LRP8: variants seen among roughly 807,000 people sequenced by gnomAD.
LRP8 encodes LDL receptor related protein 8.
LRP8 carries 46 observed loss-of-function variants against 111.6 expected under a neutral mutation model. The ratio of observed to expected loss-of-function variants is 0.41; its 90% CI spans 0.33 to 0.53. The LOEUF (loss-of-function observed/expected upper bound fraction) is 0.53, where lower values mean the gene tolerates loss of function less well. LRP8 is among the 20% of genes least tolerant of loss of function. LRP8 has a pLI of 0.20. For missense variants in LRP8, 959 were observed against 1,297.4 expected (o/e 0.74, Z 4.01); for synonymous variants, 464 against 511.2 (o/e 0.91, Z 1.24).
At position 53,271,221 on chromosome 1, in the gene LRP8, T is replaced by G. The variant is rs762693492; in HGVS notation, c.1126+6A>C. ...TTCTGCTTGGGGGTGTGGGAGAAGG[T>G]CTCACCGCCACAGGTCTTCTGGTCC... On this transcript the variant is annotated splice_donor_region_variant and intron_variant, in intron 7 of 18. Coordinates refer to ENST00000306052, the MANE Select transcript of LRP8 (RefSeq NM_004631.5). The G allele has an allele frequency of 6.2e-7, 1 of 1,613,708 alleles. No homozygotes were observed. Among genetic ancestry groups the G allele is most frequent in the South Asian group, 1.1e-5 (1 of 91,064 alleles).
At chr1:53,314,100 G>A (rs1426970642) in intron 2 of LRP8, among the ~76,000 whole-genome samples, 1 of 152,176 alleles carries the variant, frequency 6.6e-6, no homozygotes, top group East Asian at 1.9e-4. Flanking sequence ...TCCTGCCCAA[G>A]GCCCAGGCAA....
Position 53,250,957 on chromosome 1 carries a change from C to A in LRP8, c.2504-95G>T. The A allele has an allele frequency of 9.9e-7, 1 of 1,006,052 alleles. No homozygotes were observed. The highest frequency in any genetic ancestry group is 1.5e-6 in the Non-Finnish European group (1 of 652,852). The allele number at this position is 1,006,052 out of a possible 1,614,324, so 62.3% of individuals were successfully genotyped here. The stretch of plus-strand genomic sequence containing the variant: ...CTTGTCACCACTCCACTTTTACTAC[C>A]CTTTGCTCCTCAGGCTCTGTTTCTG... On this transcript the variant is annotated intron_variant, in intron 16 of 18. Transcript: ENST00000306052. The surrounding 1 kb of genome is among the most constrained non-coding windows in gnomAD (Gnocchi z 4.6).
chr1:53,317,194 T>A lies in LRP8; in HGVS notation c.244+9679A>T, dbSNP rs1572686660. Among the ~76,000 whole-genome samples the A allele has an allele frequency of 6.6e-6, 1 of 152,272 alleles. No homozygotes were observed. Among genetic ancestry groups the A allele is most frequent in the Non-Finnish European group, 1.5e-5 (1 of 68,012 alleles). ...GGGAGGGGAGGAGTGCTGGCTTGAA[T>A]GTCCCTGGATTCAGGCCACCAGGAA... On this transcript the variant is annotated intron_variant, in intron 2 of 18. Transcript: ENST00000306052. The surrounding 1 kb of genome is among the most constrained non-coding windows in gnomAD (Gnocchi z 4.9).
intron 2 of LRP8, among the ~76,000 whole-genome samples, chr1:53,314,714 T>A (rs1653574528): frequency 6.6e-6 from 1 of 152,128 alleles, no homozygotes; most frequent in Non-Finnish European, 1.5e-5. Flanking sequence ...CCCCCTGACC[T>A]CCACCCCACT....
chr1:53,258,392 G>T lies in LRP8; in HGVS notation c.2136C>A (p.Ser712Arg). The change falls in exon 14 of 19, where the codon AGC becomes AGA. Residue 712 changes from serine (S) to arginine (R), a missense_variant. Ser to Arg is a moderately radical substitution (Grantham distance 110). This residue lies in a region of LRP8 where 819 missense variants were observed against 1,097.6 expected (regional missense o/e 0.75). Coordinates refer to ENST00000306052, the MANE Select transcript of LRP8 (RefSeq NM_004631.5). ...AGGCACATGTGTACTTGGGAGAGTG[G>T]CTGGAGATCTGAGGAGCAGGAAGGC... ...YLCLPAPQIS[S>R]HSPKYTCACP... is the part of the protein sequence containing the mutation. 6.2e-7 allele frequency: 1 copy of T among 1,614,090 alleles called. No homozygotes were observed. Among genetic ancestry groups the T allele is most frequent in the Middle Eastern group, 1.7e-4 (1 of 6,054 alleles).
chr1:53,304,816 G>C (rs1651642112), intron 2 of LRP8, among the ~76,000 whole-genome samples: 1 of 152,210 alleles, frequency 6.6e-6, no homozygotes, highest in Non-Finnish European at 1.5e-5. Context: ...ACATGGCTGT[G>C]GGAGGCAAGA....
Position 53,301,440 on chromosome 1 carries a change from G to A in LRP8, c.245-11751C>T, listed in dbSNP as rs150058115. Among the ~76,000 whole-genome samples the A allele has an allele frequency of 1.2e-3, 186 of 152,306 alleles. 1 individual carries two copies. The highest frequency in any genetic ancestry group is 4.2e-3 in the African/African-American group (174 of 41,546). ...GCAAAGACCTTAAAAGGCATGAACTGGCCAGGCATGGTGGCGCACGCCTGT... is the reference window on the plus strand; with the variant it reads ...GCAAAGACCTTAAAAGGCATGAACTAGCCAGGCATGGTGGCGCACGCCTGT... On this transcript the variant is annotated intron_variant, in intron 2 of 18. Transcript: ENST00000306052.
intron 2 of LRP8, among the ~76,000 whole-genome samples, chr1:53,298,438 G>A (rs1402473395): frequency 1.3e-5 from 2 of 152,170 alleles, no homozygotes; most frequent in East Asian, 1.9e-4. Flanking sequence ...CAAGCATTAC[G>A]CAAGGGGTGC....
chr1:53,324,134 C>G (rs1035353349), intron 2 of LRP8, among the ~76,000 whole-genome samples: 1 of 152,166 alleles, frequency 6.6e-6, no homozygotes, highest in Non-Finnish European at 1.5e-5. Context: ...GGGTAAGGCA[C>G]GGAGACTGCT....
intron 6 of LRP8, 38 bp from the exon 7 acceptor site, chr1:53,271,384 CAGG>C (rs1221784328): frequency 2.5e-6 from 4 of 1,613,156 alleles, no homozygotes; most frequent in South Asian, 2.2e-5. Context: ...TCCAGGAGCC[CAGG>C]AGGAGTGGGG....
Position 53,289,688 on chromosome 1 carries a change from G to A in LRP8, c.246C>T (p.Pro82=). The A allele has an allele frequency of 6.2e-7, 1 of 1,613,862 alleles. No homozygotes were observed. The change falls in exon 3 of 19, where the codon CCC becomes CCT. Residue 82 remains proline (P), a splice_region_variant and synonymous_variant. Transcript: ENST00000306052. ...AGTCACTGTCTGCACAGGTCTTCTT[G>A]GCTGCAGGGCAAGGAAGAGAGCGTG... The part of the protein sequence containing the change: ...CLDHSDEDDC[P]KKTCADSDFT...
In LRP8 at chr1:53,262,776, G is replaced by A. The variant is rs115453345; in HGVS notation, c.1656-212C>T. On this transcript the variant is annotated intron_variant, in intron 10 of 18. Coordinates refer to ENST00000306052, the MANE Select transcript of LRP8 (RefSeq NM_004631.5). This position sits in a 1 kb window ranked among gnomAD's most constrained non-coding sequence, Gnocchi z 4.8. ...GAGAACTTGAGGAAAACTATTCTCC[G>A]AGATTGCACCCAGACTCAGCTGAAT... 0.014 allele frequency among the ~76,000 whole-genome samples: 2,088 copies of A among 152,250 alleles called. 18 individuals carry two copies. Among genetic ancestry groups the A allele is most frequent in the Non-Finnish European group, 0.02 (1,368 of 68,010 alleles).
rs201027435 is a variant in LRP8, at chr1:53,257,229, C to A, written c.2434+11G>T. ...CCATGTCATGAAAGAATGCAGAACT[C>A]ATTTCCTTACAGTGCTGGGAGTGGT... On this transcript the variant is annotated intron_variant, in intron 15 of 18. Coordinates refer to ENST00000306052, the MANE Select transcript of LRP8 (RefSeq NM_004631.5). 3.4e-4 allele frequency: 546 copies of A among 1,613,564 alleles called. 2 individuals are homozygous for A. Among genetic ancestry groups the A allele is most frequent in the Non-Finnish European group, 3.6e-4 (423 of 1,179,786 alleles).
At chr1:53,277,823 C>A (rs956803904) in intron 4 of LRP8, among the ~76,000 whole-genome samples, 56 of 152,224 alleles carry the variant, frequency 3.7e-4, no homozygotes. Flanking sequence ...GTCTGAGTTT[C>A]ATGTCCTTTT....
At position 53,280,708 on chromosome 1, in the gene LRP8, C is replaced by T. The variant is rs763535029; in HGVS notation, c.375G>A (p.Gln125=). The T allele has an allele frequency of 4.3e-6, 7 of 1,611,660 alleles. No homozygotes were observed. The highest frequency in any genetic ancestry group is 2.5e-6 in the Non-Finnish European group (3 of 1,179,966). The change falls in exon 4 of 19, where the codon CAG becomes CAA. Residue 125 remains glutamine, a synonymous_variant. Transcript: ENST00000306052. The part of the protein sequence containing the change: ...SDESEATCTK[Q]VCPAEKLSCG... ...AGCTCAGCTTCTCTGCAGGACACACCTGCTTGGCTGTGGAGACAGACGTCC... is the reference window on the plus strand; with the variant it reads ...AGCTCAGCTTCTCTGCAGGACACACTTGCTTGGCTGTGGAGACAGACGTCC...
chr1:53,320,739 C>A (rs956091467), intron 2 of LRP8, among the ~76,000 whole-genome samples: 16 of 152,228 alleles, frequency 1.1e-4, no homozygotes, highest in African/African-American at 3.1e-4. Flanking sequence ...TCCCCAGTCC[C>A]ACTCCCCAGG....
rs1649106463 is a variant in LRP8, at chr1:53,293,198, A to G, written c.245-3509T>C. Among the ~76,000 whole-genome samples, 1 of 152,208 alleles carries G rather than the reference A, an allele frequency of 6.6e-6. No homozygotes were observed. Among genetic ancestry groups the G allele is most frequent in the South Asian group, 2.1e-4 (1 of 4,826 alleles). The stretch of plus-strand genomic sequence containing the variant: ...CCTGGGGGTGATCTTGTCCTCCTCC[A>G]TGTGCCAAGCCCTGGCAGGCACTGG... On this transcript the variant is annotated intron_variant, in intron 2 of 18. Coordinates refer to ENST00000306052, the MANE Select transcript of LRP8 (RefSeq NM_004631.5). This position sits in a 1 kb window ranked among gnomAD's most constrained non-coding sequence, Gnocchi z 4.9.
At chr1:53,261,018 A>G (rs964852575) in intron 12 of LRP8, among the ~76,000 whole-genome samples, 1 of 152,184 alleles carries the variant, frequency 6.6e-6, no homozygotes, top group Non-Finnish European at 1.5e-5. Flanking sequence ...ACGAGTCCAC[A>G]TGGTTAGTCC....
chr1:53,276,800 AGGC>A lies in LRP8; in HGVS notation c.772_774del (p.Ala258del). 1 of 1,337,268 alleles carries A rather than the reference AGGC, an allele frequency of 7.5e-7. No homozygotes were observed. The highest frequency in any genetic ancestry group is 9.6e-7 in the Non-Finnish European group (1 of 1,040,660). 82.8% of individuals were successfully genotyped at this position (1,337,268 alleles called of 1,614,324 possible). A position where few individuals can be genotyped will look rare whatever the true frequency, so the allele number is the denominator to read the frequency against. On this transcript the variant is annotated inframe_deletion, in exon 5 of 19. Coordinates refer to ENST00000306052, the MANE Select transcript of LRP8 (RefSeq NM_004631.5). Reference sequence around the variant, plus strand: ...CAGGCGAACTGGGAGGCGGTGGCGCAGGCGGCGGGCGCGGACGTGGCCCCGGGG... The same window carrying A: ...CAGGCGAACTGGGAGGCGGTGGCGCAGGCGGGCGCGGACGTGGCCCCGGGG...
Sources: gnomAD v4.1 joint callset for allele counts (sites outside exome capture counted in the v4.1 genomes callset) on GRCh38, gnomAD v4.1.1 for gene constraint, gnomAD v4.1.1 regional missense constraint, Gnocchi (gnomAD v3.1) non-coding constraint, MANE v1.5 for transcripts, NCBI Gene and HGNC (gene_info 2026-07-23, HGNC 2026-07-21) for gene names.